The following HERC1 variants were observed in gnomAD, a reference collection of about 807,000 sequenced individuals.
HERC1 encodes the protein HECT and RLD domain containing E3 ubiquitin protein ligase family member 1.
A neutral mutation model predicts 554.3 loss-of-function variants in HERC1; 160 were observed. The ratio of observed to expected loss-of-function variants is 0.29; its 90% confidence interval spans 0.25 to 0.33. HERC1 has a LOEUF of 0.33. Ranked by LOEUF, HERC1 falls within the 10% of genes least tolerant of loss-of-function variation. The probability of loss-of-function intolerance (pLI) is 1.00; values close to 1 mark genes in which losing one functional copy is unlikely to be tolerated. For synonymous variants in HERC1, 2,175 were observed against 2,131.7 expected (o/e 1.02, Z -0.56); for missense variants, 4,919 against 5,918.5 (o/e 0.83, Z 5.54).
intron 22 of HERC1, among the ~76,000 whole-genome samples, chr15:63,714,098 T>C (rs954451633): frequency 6.6e-6 from 1 of 152,148 alleles, no homozygotes; most frequent in Non-Finnish European, 1.5e-5. Flanking sequence ...TCAGCTGATT[T>C]TGAAGCCCAT....
chr15:63,674,275 C>A, intron 38 of HERC1, 67 bp downstream of exon 38: 1 of 1,380,728 alleles, frequency 7.2e-7, no homozygotes, highest in Non-Finnish European at 9.7e-7. Context: ...GAATGTATCA[C>A]TTCTGACAAT....
chr15:63,755,096 T>C (rs2075378187), intron 6 of HERC1, 133 bp downstream of exon 6: 2 of 648,816 alleles, frequency 3.1e-6, no homozygotes, highest in Non-Finnish European at 5.4e-6. Context: ...TATATAAAAT[T>C]ATCTTCCTCT....
Position 63,637,281 on chromosome 15 carries a change from T to C in HERC1, c.12232+224A>G. 3 of 574,698 alleles carry C rather than the reference T, an allele frequency of 5.2e-6. No individual in the cohort carries two copies. In the South Asian group the frequency reaches 5.8e-5, roughly 11 times the overall value. The allele number at this position is 574,698 out of a possible 1,614,324, so 35.6% of individuals were successfully genotyped here. On this transcript the variant is annotated intron_variant, in intron 64 of 77. Transcript: ENST00000443617. ...ACAATCTTCAGTGGGTCTCAAAAAGTGTTATTTATATTTCACTGAATTCTA... is the reference window on the plus strand; with the variant it reads ...ACAATCTTCAGTGGGTCTCAAAAAGCGTTATTTATATTTCACTGAATTCTA...
At position 63,630,501 on chromosome 15, in the gene HERC1, C is replaced by T. The variant is rs2068500080; in HGVS notation, c.12931G>A (p.Asp4311Asn). 3.1e-6 allele frequency: 5 copies of T among 1,613,980 alleles called. No individual in the cohort carries two copies. Among genetic ancestry groups the T allele is most frequent in the Non-Finnish European group, 3.4e-6 (4 of 1,179,870 alleles). ...GAATTGCTCCCCCAGGCATACACAT[C>T]TCCATTTGATGCCAAAGCAAGTGTG... ...EHTLALASNGDVYAWGSNSEG... is the reference protein window; with the variant it reads ...EHTLALASNGNVYAWGSNSEG... The change falls in exon 69 of 78, where the codon GAT becomes AAT. Residue 4311 changes from aspartate (D) to asparagine (N), a missense_variant. Coordinates refer to ENST00000443617, the MANE Select transcript of HERC1 (RefSeq NM_003922.4).
Position 63,678,794 on chromosome 15 carries a change from C to A in HERC1, c.6550-429G>T, listed in dbSNP as rs553443427. Among the ~76,000 whole-genome samples the A allele has an allele frequency of 1.1e-4, 17 of 152,310 alleles. No homozygotes were observed. In the South Asian group the frequency reaches 3.5e-3, roughly 32 times the overall value. Reference sequence around the variant, plus strand: ...ATCATAAAGTCACAATCTGGATACACACTGCAAATAAGACACAGAAGTAAA... The same window carrying A: ...ATCATAAAGTCACAATCTGGATACAAACTGCAAATAAGACACAGAAGTAAA... On this transcript the variant is annotated intron_variant, in intron 36 of 77. Transcript: ENST00000443617.
At position 63,718,541 on chromosome 15, in the gene HERC1, A is replaced by G; in HGVS notation, c.3978+33T>C. The G allele has an allele frequency of 2.0e-6, 3 of 1,523,136 alleles. No homozygotes were observed. Among genetic ancestry groups the G allele is most frequent in the Admixed American group, 4.3e-5 (2 of 46,908 alleles). 94.4% of individuals were successfully genotyped at this position (1,523,136 alleles called of 1,614,324 possible). A position where few individuals can be genotyped will look rare whatever the true frequency, so the allele number is the denominator to read the frequency against. ...AGAGCTAGCTCTCACAGCTTGCAGAAAAACATAGAAATTAATTGATTTCAA... is the reference window on the plus strand; with the variant it reads ...AGAGCTAGCTCTCACAGCTTGCAGAGAAACATAGAAATTAATTGATTTCAA... On this transcript the variant is annotated intron_variant, in intron 21 of 77. Transcript: ENST00000443617. The surrounding 1 kb of genome is among the most constrained non-coding windows in gnomAD (Gnocchi z 4.2).
chr15:63,817,689 T>C (rs1239722759), intron 1 of HERC1, among the ~76,000 whole-genome samples: 1 of 152,158 alleles, frequency 6.6e-6, no homozygotes, highest in Non-Finnish European at 1.5e-5. Flanking sequence ...CACTCCAGTG[T>C]GGGTGACACA....
At chr15:63,814,823 G>T (rs2077442539) in intron 1 of HERC1, among the ~76,000 whole-genome samples, 2 of 152,166 alleles carry the variant, frequency 1.3e-5, no homozygotes, top group African/African-American at 4.8e-5. Flanking sequence ...CTCTGCTGTG[G>T]AAAATATGAA....
Position 63,764,079 on chromosome 15 carries a change from C to T in HERC1, c.1026+17G>A. 2 of 1,541,380 alleles carry T rather than the reference C, an allele frequency of 1.3e-6. No individual in the cohort carries two copies. ...TAACACAAAGTTGTTAATACAAAAG[C>T]CACGATTATTACGTACCTCTTCAAA... On this transcript the variant is annotated intron_variant, in intron 3 of 77. Coordinates refer to ENST00000443617, the MANE Select transcript of HERC1 (RefSeq NM_003922.4).
At position 63,758,720 on chromosome 15, in the gene HERC1, C is replaced by T. The variant is rs1054545961; in HGVS notation, c.1027-351G>A. On this transcript the variant is annotated intron_variant, in intron 3 of 77. Transcript: ENST00000443617. The surrounding 1 kb of genome is among the most constrained non-coding windows in gnomAD (Gnocchi z 4.0). ...TAAATTTTACCTTTTAAATATATGT[C>T]CTTCCAGAATTGTTCATATACAAAT... Among the ~76,000 whole-genome samples the T allele has an allele frequency of 1.1e-4, 17 of 152,102 alleles. No individual in the cohort carries two copies. Among genetic ancestry groups the T allele is most frequent in the Admixed American group, 1.1e-3 (17 of 15,266 alleles).
At chr15:63,627,844 A>T (rs2068370057) in intron 70 of HERC1, among the ~76,000 whole-genome samples, 1 of 152,196 alleles carries the variant, frequency 6.6e-6, no homozygotes, top group African/African-American at 2.4e-5. Flanking sequence ...GTTTTCTTTA[A>T]ATCTTTGTGT....
At chr15:63,783,858 G>C (rs2076358959) in intron 1 of HERC1, among the ~76,000 whole-genome samples, 1 of 152,068 alleles carries the variant, frequency 6.6e-6, no homozygotes, top group Admixed American at 6.6e-5. Flanking sequence ...TCGAGGTCAG[G>C]AGATCAAGAC....
At chr15:63,781,549 G>T (rs1156447870) in intron 1 of HERC1, among the ~76,000 whole-genome samples, 2 of 152,106 alleles carry the variant, frequency 1.3e-5, no homozygotes, top group Non-Finnish European at 2.9e-5. Flanking sequence ...TAAATGGTAC[G>T]TGTTTTGACT....
chr15:63,820,590 C>T (rs2077654736), intron 1 of HERC1, among the ~76,000 whole-genome samples: 2 of 152,108 alleles, frequency 1.3e-5, no homozygotes, highest in African/African-American at 4.8e-5. Flanking sequence ...TCTTAAAATA[C>T]GGCAAAACTT....
At chr15:63,826,660 T>C (rs572616043) in intron 1 of HERC1, among the ~76,000 whole-genome samples, 59 of 151,288 alleles carry the variant, frequency 3.9e-4, no homozygotes, top group African/African-American at 1.4e-3. Context: ...CATGTATGAA[T>C]GCAGTATTAG....
chr15:63,641,766 T>A, intron 59 of HERC1, 123 bp from the exon 60 acceptor site: 1 of 755,126 alleles, frequency 1.3e-6, no homozygotes, highest in South Asian at 2.6e-5. Flanking sequence ...ATATTTTATA[T>A]CCAAAAAGGC....
intron 14 of HERC1, 146 bp downstream of exon 14, chr15:63,732,778 T>C: frequency 1.6e-6 from 1 of 606,154 alleles, no homozygotes; most frequent in Non-Finnish European, 2.9e-6. Context: ...CCCACAATAT[T>C]TCAGAAACCC....
intron 24 of HERC1, 49 bp from the exon 25 acceptor site, chr15:63,706,880 T>G (rs898730335): frequency 2.5e-6 from 3 of 1,203,580 alleles, no homozygotes; most frequent in South Asian, 1.4e-5. Flanking sequence ...TGAAAAGTAT[T>G]TTAAGATTAA....
chr15:63,673,608 G>T (rs1445216970), intron 38 of HERC1, among the ~76,000 whole-genome samples: 1 of 127,442 alleles, frequency 7.8e-6, no homozygotes, highest in Non-Finnish European at 1.7e-5. Context: ...CTCCCCAAAT[G>T]TGAGGATACA....
Sources: allele counts gnomAD v4.1 joint callset (sites outside exome capture counted in the v4.1 genomes callset), GRCh38; gene constraint gnomAD v4.1.1; non-coding constraint Gnocchi (gnomAD v3.1); transcripts MANE v1.5; gene names NCBI Gene and HGNC (gene_info 2026-07-23, HGNC 2026-07-21).